Variants in PTPRT observed in about 807,000 individuals in gnomAD.
PTPRT encodes the protein protein tyrosine phosphatase receptor type T, also known as receptor-type tyrosine-protein phosphatase T.
PTPRT carries 56 observed loss-of-function variants against 176.8 expected under a neutral mutation model. The observed-to-expected ratio is 0.32, with a 90% CI of 0.26 to 0.40. The LOEUF (loss-of-function observed/expected upper bound fraction) is 0.40, where lower values mean the gene tolerates loss of function less well. Among genes scored for constraint, PTPRT ranks in the 10% least tolerant of loss-of-function variants. PTPRT has a pLI of 1.00. For synonymous variants in PTPRT, 783 were observed against 739.0 expected, an observed-to-expected ratio of 1.06 and a Z score of -0.96; for missense variants, 1,540 against 1,908.2, an observed-to-expected ratio of 0.81 and a Z score of 3.60.
chr20:42,226,398 C>T (rs2056011414), intron 15 of PTPRT, among the ~76,000 whole-genome samples: 1 of 152,190 alleles, frequency 6.6e-6, no homozygotes, highest in Non-Finnish European at 1.5e-5. Context: ...TTGGCACAGT[C>T]ATCTATCTAA....
At chr20:42,398,455 A>C (rs2058872687) in intron 9 of PTPRT, among the ~76,000 whole-genome samples, 1 of 152,242 alleles carries the variant, frequency 6.6e-6, no homozygotes, top group Admixed American at 6.5e-5. Context: ...AAGTATGTAC[A>C]TCTCAAAGAT....
chr20:42,856,847 G>A (rs1269550782), intron 2 of PTPRT, among the ~76,000 whole-genome samples: 1 of 152,118 alleles, frequency 6.6e-6, no homozygotes, highest in African/African-American at 2.4e-5. Context: ...AAAGAAGAGG[G>A]ATGAAGATAG....
At chr20:42,796,683 T>C (rs2077459876) in intron 2 of PTPRT, among the ~76,000 whole-genome samples, 1 of 152,236 alleles carries the variant, frequency 6.6e-6, no homozygotes, top group Non-Finnish European at 1.5e-5. Context: ...CTAGGCATTC[T>C]ACATGTCACA....
chr20:42,774,610 T>C (rs2077107361), intron 4 of PTPRT, among the ~76,000 whole-genome samples: 2 of 152,200 alleles, frequency 1.3e-5, no homozygotes, highest in Non-Finnish European at 2.9e-5. Context: ...GTCCCTGATA[T>C]GTAGCTCTTA....
At chr20:42,173,854 T>C (rs1457515980) in intron 16 of PTPRT, among the ~76,000 whole-genome samples, 1 of 152,246 alleles carries the variant, frequency 6.6e-6, no homozygotes, top group Non-Finnish European at 1.5e-5. Context: ...AATTCTTGCA[T>C]ATTCACCATC....
At position 42,467,142 on chromosome 20, in the gene PTPRT, T is replaced by C. The variant is rs541251189; in HGVS notation, c.1450+5124A>G. Among the ~76,000 whole-genome samples the C allele has an allele frequency of 1.2e-3, 181 of 152,348 alleles. 4 individuals are homozygous for C. Among genetic ancestry groups the C allele is most frequent in the Admixed American group, 1.1e-3 (17 of 15,310 alleles). On this transcript the variant is annotated intron_variant, in intron 8 of 30. Transcript: ENST00000373187. The stretch of plus-strand genomic sequence containing the variant: ...TAACTAGTAAGCGTAGGGAGAATTA[T>C]AGATGTTTAAATCACCCTTTTGTAA...
chr20:42,521,851 T>C (rs1377859040), intron 7 of PTPRT, among the ~76,000 whole-genome samples: 1 of 152,182 alleles, frequency 6.6e-6, no homozygotes, highest in Non-Finnish European at 1.5e-5. Context: ...ATTCTGGTTT[T>C]CTTTCCTTTT....
intron 1 of PTPRT, among the ~76,000 whole-genome samples, chr20:43,073,494 CGT>C (rs2011210204): frequency 6.7e-6 from 1 of 150,144 alleles, no homozygotes; most frequent in African/African-American, 2.5e-5. Context: ...CACACACACA[CGT>C]GTGCTATACA....
At chr20:42,674,586 A>G (rs2075468446) in intron 7 of PTPRT, among the ~76,000 whole-genome samples, 2 of 152,242 alleles carry the variant, frequency 1.3e-5, no homozygotes, top group Admixed American at 6.5e-5. Flanking sequence ...AGCAGGATCA[A>G]ATCAATTATT....
intron 1 of PTPRT, among the ~76,000 whole-genome samples, chr20:42,943,757 G>A (rs976707281): frequency 2.6e-5 from 4 of 152,132 alleles, no homozygotes; most frequent in African/African-American, 9.7e-5. Context: ...GCTCGCACCT[G>A]TAATCTCAGC....
intron 1 of PTPRT, among the ~76,000 whole-genome samples, chr20:42,965,502 T>C (rs1376553955): frequency 2.0e-5 from 3 of 152,234 alleles, no homozygotes; most frequent in African/African-American, 4.8e-5. Flanking sequence ...TGTAGGTTTC[T>C]ATAACTTAAG....
At chr20:42,634,797 C>T (rs770995994) in intron 7 of PTPRT, among the ~76,000 whole-genome samples, 4 of 152,084 alleles carry the variant, frequency 2.6e-5, no homozygotes, top group African/African-American at 9.7e-5. Flanking sequence ...TCACATGCAA[C>T]GCAGTCTGCT....
chr20:42,320,205 T>C (rs967759610), intron 11 of PTPRT, among the ~76,000 whole-genome samples: 27 of 152,202 alleles, frequency 1.8e-4, no homozygotes, highest in Admixed American at 6.5e-4. Flanking sequence ...TTTCAGTATC[T>C]CCTGCTGTCC....
intron 6 of PTPRT, among the ~76,000 whole-genome samples, chr20:42,751,738 C>A (rs1471071803): frequency 6.6e-6 from 1 of 152,124 alleles, no homozygotes; most frequent in African/African-American, 2.4e-5. Flanking sequence ...CTTTTGGAGT[C>A]TTGGACTTAC....
chr20:42,472,855 G>A (rs6102847), intron 7 of PTPRT, among the ~76,000 whole-genome samples: 58 of 152,230 alleles, frequency 3.8e-4, no homozygotes, highest in African/African-American at 7.7e-4. Flanking sequence ...AAATTCTTAA[G>A]GGTGCATCAA....
intron 7 of PTPRT, among the ~76,000 whole-genome samples, chr20:42,555,628 C>A (rs1401371544): frequency 3.9e-5 from 6 of 152,144 alleles, no homozygotes; most frequent in Non-Finnish European, 7.4e-5. Context: ...AACTTATAGT[C>A]CTTCCCCGCT....
At chr20:42,988,945 C>G (rs1983745763) in intron 1 of PTPRT, among the ~76,000 whole-genome samples, 1 of 152,206 alleles carries the variant, frequency 6.6e-6, no homozygotes, top group Non-Finnish European at 1.5e-5. Context: ...CATGCTTTAT[C>G]CCTAATGCTT....
chr20:43,052,213 A>G (rs1987075885), intron 1 of PTPRT, among the ~76,000 whole-genome samples: 1 of 152,242 alleles, frequency 6.6e-6, no homozygotes, highest in South Asian at 2.1e-4. Context: ...ATAGTGGTAG[A>G]CTTGGCAGGA....
rs1437230315 is a variant in PTPRT, at chr20:42,161,384, C to G, written c.2650G>C (p.Gly884Arg). The G allele has an allele frequency of 2.5e-6, 4 of 1,614,008 alleles. No individual in the cohort carries two copies. Residue 884 changes from glycine (G) to arginine (R), a missense_variant, in exon 17 of 31, where the codon GGC (glycine) becomes CGC (arginine). Transcript: ENST00000373187. Reference sequence around the variant, plus strand: ...TCCTCCTTGAACCCGTAGCCCTGGCCTCTCTTCATCTGCGTGATGTGCTGC... The same window carrying G: ...TCCTCCTTGAACCCGTAGCCCTGGCGTCTCTTCATCTGCGTGATGTGCTGC... ...LLQHITQMKR[G>R]QGYGFKEEYE...
Sources: allele counts gnomAD v4.1 joint callset (sites outside exome capture counted in the v4.1 genomes callset), GRCh38; gene constraint gnomAD v4.1.1; transcripts MANE v1.5; gene names NCBI Gene and HGNC (gene_info 2026-07-23, HGNC 2026-07-21).